MTMR7: variants seen among roughly 807,000 people sequenced by gnomAD.
MTMR7 encodes phosphatidylinositol-3-phosphate phosphatase MTMR7.
MTMR7 carries 76 observed loss-of-function variants against 81.2 expected under a neutral mutation model. The ratio of observed to expected loss-of-function variants is 0.94; its 90% CI spans 0.78 to 1.13. MTMR7 has a LOEUF of 1.13. Among genes scored for constraint, MTMR7 ranks in the 50% most tolerant of loss-of-function variants. The pLI, the probability that MTMR7 is intolerant of heterozygous loss-of-function variation, is 0.00. For missense variants in MTMR7, 1,044 were observed against 820.0 expected (o/e 1.27, Z -3.34); for synonymous variants, 372 against 289.8 (o/e 1.28, Z -2.88).
At chr8:17,388,564 C>G (rs949892232) in intron 1 of MTMR7, among the ~76,000 whole-genome samples, 2 of 152,212 alleles carry the variant, frequency 1.3e-5, no homozygotes, top group Non-Finnish European at 1.5e-5. Flanking sequence ...AACGATATTT[C>G]TAAAATTCTA....
intron 7 of MTMR7, among the ~76,000 whole-genome samples, chr8:17,324,085 A>G (rs1050956213): frequency 1.3e-5 from 2 of 152,230 alleles, no homozygotes; most frequent in East Asian, 1.9e-4. Context: ...AAAACATTCA[A>G]TGTGACTTAC....
Position 17,305,824 on chromosome 8 carries a change from G to A in MTMR7, c.1285C>T (p.His429Tyr), listed in dbSNP as rs749341642. ...FNERFLIHIQ[H>Y]HIYSCQFGNF... is the part of the protein sequence containing the mutation. ...CCAAACTGGCAGGAATAAATGTGATGTTGAATGTGAATCAAAAACCTCTCA... is the reference window on the plus strand; with the variant it reads ...CCAAACTGGCAGGAATAAATGTGATATTGAATGTGAATCAAAAACCTCTCA... The change falls in exon 11 of 14, where the codon CAT becomes TAT. Residue 429 changes from histidine (H) to tyrosine (Y), a missense_variant. Transcript: ENST00000180173. The A allele has an allele frequency of 1.5e-5, 24 of 1,613,556 alleles. No homozygotes were observed. Among genetic ancestry groups the A allele is most frequent in the Non-Finnish European group, 2.0e-5 (24 of 1,179,710 alleles).
intron 7 of MTMR7, among the ~76,000 whole-genome samples, chr8:17,330,111 G>T (rs1377007939): frequency 6.6e-6 from 1 of 152,226 alleles, no homozygotes; most frequent in African/African-American, 2.4e-5. Flanking sequence ...GAAAGTCCAG[G>T]AAACAGAATG....
chr8:17,413,309 C>A lies in MTMR7; in HGVS notation c.-17G>T. The A allele has an allele frequency of 6.5e-7, 1 of 1,540,464 alleles. No individual in the cohort carries two copies. Among genetic ancestry groups the A allele is most frequent in the Non-Finnish European group, 8.8e-7 (1 of 1,141,576 alleles). ...GTGCTCCATGGCTGGCCCACGTCTG[C>A]AGGGTCCCGGGCGGGCGCGGCCTCA... On this transcript the variant is annotated 5_prime_UTR_variant, in exon 1 of 14. Coordinates refer to ENST00000180173, the MANE Select transcript of MTMR7 (RefSeq NM_004686.5).
At chr8:17,331,691 A>G (rs1430724800) in intron 6 of MTMR7, among the ~76,000 whole-genome samples, 1 of 152,216 alleles carries the variant, frequency 6.6e-6, no homozygotes, top group African/African-American at 2.4e-5. Context: ...GGCTCTATAC[A>G]TTATTATATC....
intron 10 of MTMR7, among the ~76,000 whole-genome samples, chr8:17,306,335 G>A (rs762400531): frequency 6.6e-5 from 10 of 151,880 alleles, no homozygotes; most frequent in African/African-American, 2.4e-4. Flanking sequence ...ACAACTTTAA[G>A]GCTCTTCATT....
chr8:17,309,754 C>A (rs1817682925), intron 9 of MTMR7, among the ~76,000 whole-genome samples: 1 of 152,190 alleles, frequency 6.6e-6, no homozygotes, highest in Admixed American at 6.5e-5. Flanking sequence ...CAAACCCTAT[C>A]TCAACCAATG....
At chr8:17,317,711 G>A (rs1400264284) in intron 7 of MTMR7, among the ~76,000 whole-genome samples, 2 of 152,164 alleles carry the variant, frequency 1.3e-5, no homozygotes, top group African/African-American at 4.8e-5. Flanking sequence ...AGAGATACCT[G>A]ATGGCTCGAA....
In MTMR7 at chr8:17,408,116, C is replaced by CTCTTTG. The variant is rs1386547591; in HGVS notation, c.24+5152_24+5153insCAAAGA. ...GCAAGAACATCATGGAGAGGCCGGGCGCGGTGGCTCACGCCTGTAATCCCA... is the reference window on the plus strand; with the variant it reads ...GCAAGAACATCATGGAGAGGCCGGGCTCTTTGGCGGTGGCTCACGCCTGTAATCCCA... On this transcript the variant is annotated intron_variant, in intron 1 of 13. Coordinates refer to ENST00000180173, the MANE Select transcript of MTMR7 (RefSeq NM_004686.5). Among the ~76,000 whole-genome samples the CTCTTTG allele has an allele frequency of 1.2e-3, 69 of 59,850 alleles. 2 individuals are homozygous for CTCTTTG. Among genetic ancestry groups the CTCTTTG allele is most frequent in the Admixed American group, 3.4e-3 (10 of 2,916 alleles). 39.3% of individuals were successfully genotyped at this position (59,850 alleles called of 152,430 possible).
Position 17,341,426 on chromosome 8 carries a change from G to C in MTMR7, c.669C>G (p.Leu223=), listed in dbSNP as rs145179468. The change falls in exon 6 of 14, where the codon CTC becomes CTG. Residue 223 remains leucine, a synonymous_variant. Transcript: ENST00000180173. ...CTGGATTGGCTTTCCTAATGGCCTG[G>C]AGCATCTGCTCGTCCTCTAGGCACC... is the stretch of plus-strand genomic sequence containing the variant. ...SARCLEDEQM[L]QAIRKANPGS... The C allele has an allele frequency of 1.2e-4, 194 of 1,614,172 alleles. No individual in the cohort carries two copies. In the African/African-American group the frequency reaches 2.3e-3, roughly 19 times the overall value.
At chr8:17,402,807 T>C (rs1016414988) in intron 1 of MTMR7, among the ~76,000 whole-genome samples, 7 of 152,214 alleles carry the variant, frequency 4.6e-5, no homozygotes, top group African/African-American at 1.7e-4. Context: ...TTTTAGTTTT[T>C]TGAGGAACCT....
At chr8:17,314,285 T>C (rs894854648) in intron 7 of MTMR7, among the ~76,000 whole-genome samples, 3 of 152,178 alleles carry the variant, frequency 2.0e-5, no homozygotes, top group Non-Finnish European at 2.9e-5. Flanking sequence ...AGATTTCTTT[T>C]TATTTTATTG....
At chr8:17,386,853 G>C (rs1355583555) in intron 1 of MTMR7, among the ~76,000 whole-genome samples, 8 of 152,194 alleles carry the variant, frequency 5.3e-5, no homozygotes, top group African/African-American at 1.4e-4. Flanking sequence ...CATACAAACT[G>C]AGCATAGAGC....
Position 17,393,245 on chromosome 8 carries a change from C to T in MTMR7, c.25-20005G>A, listed in dbSNP as rs1450965336. 5.3e-5 allele frequency among the ~76,000 whole-genome samples: 8 copies of T among 152,264 alleles called. No homozygotes were observed. The East Asian group carries it at 7.7e-4, about 15-fold the overall frequency. On this transcript the variant is annotated intron_variant, in intron 1 of 13. Transcript: ENST00000180173. ...CACATGCAAAACAATGCATTTGGAC[C>T]TCTATCTCACACCATATACAAAAAT...
chr8:17,391,760 C>G (rs1422294086), intron 1 of MTMR7, among the ~76,000 whole-genome samples: 3 of 152,090 alleles, frequency 2.0e-5, no homozygotes, highest in Non-Finnish European at 4.4e-5. Context: ...CTCCGGGAAT[C>G]TATGATAAGC....
chr8:17,383,335 TAAC>T (rs1390972014), intron 1 of MTMR7, among the ~76,000 whole-genome samples: 1 of 152,088 alleles, frequency 6.6e-6, no homozygotes, highest in Non-Finnish European at 1.5e-5. Flanking sequence ...GGAAGGGTAA[TAAC>T]AACAACGAAA....
At chr8:17,398,979 T>A (rs1347697144) in intron 1 of MTMR7, among the ~76,000 whole-genome samples, 1 of 152,044 alleles carries the variant, frequency 6.6e-6, no homozygotes, top group African/African-American at 2.4e-5. Context: ...GGAACATACC[T>A]CAACATAATA....
intron 1 of MTMR7, among the ~76,000 whole-genome samples, chr8:17,377,123 A>T (rs1345130115): frequency 6.6e-6 from 1 of 152,076 alleles, no homozygotes; most frequent in African/African-American, 2.4e-5. Context: ...TGCTGTTATC[A>T]AGTGAATTAA....
intron 7 of MTMR7, among the ~76,000 whole-genome samples, chr8:17,314,315 C>T (rs569164836): frequency 1.3e-5 from 2 of 152,104 alleles, no homozygotes; most frequent in Non-Finnish European, 2.9e-5. Flanking sequence ...ATGCAGTAAA[C>T]ACACATAGGG....
Sources: allele counts gnomAD v4.1 joint callset (sites outside exome capture counted in the v4.1 genomes callset), GRCh38; gene constraint gnomAD v4.1.1; transcripts MANE v1.5; gene names NCBI Gene and HGNC (gene_info 2026-07-23, HGNC 2026-07-21).